Variants in CCDC178 observed in about 807,000 individuals in gnomAD.
The protein encoded by CCDC178 is coiled-coil domain containing 178, also known as coiled-coil domain-containing protein 178.
CCDC178 carries 126 observed loss-of-function variants against 117.4 expected under a neutral mutation model. The observed-to-expected ratio is 1.07, with a 90% CI of 0.93 to 1.24. The LOEUF (loss-of-function observed/expected upper bound fraction) is 1.24, where lower values mean the gene tolerates loss of function less well. Ranked by LOEUF, CCDC178 falls within the 50% of genes most tolerant of loss-of-function variation. The pLI, the probability that CCDC178 is intolerant of heterozygous loss-of-function variation, is 0.00. For missense variants in CCDC178, 1,030 were observed against 986.9 expected, an observed-to-expected ratio of 1.04 and a Z score of -0.59; for synonymous variants, 283 against 313.4, an observed-to-expected ratio of 0.90 and a Z score of 1.02.
intron 14 of CCDC178, among the ~76,000 whole-genome samples, chr18:33,259,059 G>A (rs2059712008): frequency 1.3e-5 from 2 of 151,880 alleles, no homozygotes; most frequent in Admixed American, 1.3e-4. Context: ...GGCCCTAGGT[G>A]CAAGCAGTTA....
chr18:33,171,976 A>G (rs951721808), intron 20 of CCDC178, among the ~76,000 whole-genome samples: 2 of 151,936 alleles, frequency 1.3e-5, no homozygotes, highest in African/African-American at 4.8e-5. Flanking sequence ...AGTGGCACGA[A>G]CTCGGCTTAC....
chr18:33,177,633 C>T (rs1435546938), intron 20 of CCDC178, among the ~76,000 whole-genome samples: 2 of 152,108 alleles, frequency 1.3e-5, no homozygotes, highest in African/African-American at 4.8e-5. Context: ...CTATTTCTGT[C>T]GACTAATTTC....
intron 4 of CCDC178, among the ~76,000 whole-genome samples, chr18:33,394,088 T>G (rs1012390202): frequency 6.6e-6 from 1 of 152,046 alleles, no homozygotes. Flanking sequence ...TGGTAGATTT[T>G]TATTTCTTAG....
At chr18:33,091,898 C>A (rs1239766985) in intron 21 of CCDC178, among the ~76,000 whole-genome samples, 2 of 152,074 alleles carry the variant, frequency 1.3e-5, no homozygotes, top group Admixed American at 6.5e-5. Context: ...AGGCAACTTG[C>A]CAAGCTCACG....
intron 20 of CCDC178, among the ~76,000 whole-genome samples, chr18:33,099,106 T>C (rs1461556571): frequency 1.3e-5 from 2 of 152,104 alleles, no homozygotes; most frequent in African/African-American, 2.4e-5. Context: ...TAGATTATTG[T>C]TGCCTATGGC....
At chr18:33,018,642 T>G (rs921647915) in intron 21 of CCDC178, among the ~76,000 whole-genome samples, 1 of 152,144 alleles carries the variant, frequency 6.6e-6, no homozygotes, top group Non-Finnish European at 1.5e-5. Context: ...GACGAAAGGC[T>G]ATATCTACAT....
chr18:33,290,577 A>C (rs1194051293), intron 12 of CCDC178, among the ~76,000 whole-genome samples: 1 of 152,142 alleles, frequency 6.6e-6, no homozygotes, highest in Non-Finnish European at 1.5e-5. Context: ...TCATAATTCT[A>C]ACAAAAAATT....
intron 21 of CCDC178, among the ~76,000 whole-genome samples, chr18:33,031,669 T>C (rs2056346085): frequency 6.6e-6 from 1 of 152,112 alleles, no homozygotes; most frequent in South Asian, 2.1e-4. Flanking sequence ...TACAGTTTTG[T>C]TTCCATCCTC....
chr18:33,319,056 T>C (rs1287276233), intron 11 of CCDC178, among the ~76,000 whole-genome samples: 1 of 152,078 alleles, frequency 6.6e-6, no homozygotes, highest in Non-Finnish European at 1.5e-5. Flanking sequence ...ATATTTTTTA[T>C]TATACTTTAA....
chr18:33,367,335 C>T (rs531187851), intron 6 of CCDC178, among the ~76,000 whole-genome samples: 6 of 152,058 alleles, frequency 3.9e-5, no homozygotes, highest in South Asian at 2.1e-4. Flanking sequence ...TTTTATGTGA[C>T]GTGAGGATTT....
At chr18:33,210,130 A>T (rs1190968844) in intron 20 of CCDC178, among the ~76,000 whole-genome samples, 1 of 152,046 alleles carries the variant, frequency 6.6e-6, no homozygotes, top group Middle Eastern at 3.2e-3. Flanking sequence ...TTCATTCAAC[A>T]CATATTTATT....
intron 1 of CCDC178, 198 bp downstream of exon 1, chr18:33,440,455 G>A (rs560390112): frequency 3.3e-5 from 5 of 152,298 alleles, no homozygotes; most frequent in South Asian, 4.2e-4. Context: ...TCAAACGCGC[G>A]GGGCAAGGAC....
chr18:33,069,055 A>G (rs1008532016), intron 21 of CCDC178, among the ~76,000 whole-genome samples: 1 of 152,180 alleles, frequency 6.6e-6, no homozygotes, highest in East Asian at 1.9e-4. Flanking sequence ...TGACAGAAAC[A>G]AATGGAAAGA....
chr18:33,337,122 G>T (rs1369210302), intron 9 of CCDC178, among the ~76,000 whole-genome samples: 9 of 143,300 alleles, frequency 6.3e-5, no homozygotes, highest in Admixed American at 2.2e-4. Context: ...ACATCCTTAG[G>T]TATATTCCTA....
At chr18:33,119,622 T>C (rs551512766) in intron 20 of CCDC178, among the ~76,000 whole-genome samples, 1 of 152,186 alleles carries the variant, frequency 6.6e-6, no homozygotes, top group Non-Finnish European at 1.5e-5. Flanking sequence ...TGGAAGACAG[T>C]GTGGCGATTC....
chr18:32,970,907 A>T (rs1048426247), intron 22 of CCDC178, among the ~76,000 whole-genome samples: 1 of 152,098 alleles, frequency 6.6e-6, no homozygotes, highest in Non-Finnish European at 1.5e-5. Context: ...AATTTAATTC[A>T]TCTTGCACAG....
intron 20 of CCDC178, among the ~76,000 whole-genome samples, chr18:33,159,684 T>C (rs909255616): frequency 6.6e-6 from 1 of 152,046 alleles, no homozygotes; most frequent in African/African-American, 2.4e-5. Context: ...AATCACATCT[T>C]TAGAGTCCTT....
At chr18:33,109,998 G>T (rs1016442071) in intron 20 of CCDC178, among the ~76,000 whole-genome samples, 1 of 150,930 alleles carries the variant, frequency 6.6e-6, no homozygotes, top group Non-Finnish European at 1.5e-5. Context: ...AGTTGATAGC[G>T]CCAACATTTA....
chr18:33,385,644 A>G (rs1185141036), intron 5 of CCDC178, among the ~76,000 whole-genome samples: 6 of 152,216 alleles, frequency 3.9e-5, no homozygotes, highest in African/African-American at 1.4e-4. Flanking sequence ...GACAGATATC[A>G]AGAAGTTCTT....
Sources: gnomAD v4.1 joint callset for allele counts (sites outside exome capture counted in the v4.1 genomes callset) on GRCh38, gnomAD v4.1.1 for gene constraint, MANE v1.5 for transcripts, NCBI Gene and HGNC (gene_info 2026-07-23, HGNC 2026-07-21) for gene names.